NEMF: variants seen among roughly 807,000 people sequenced by gnomAD.
NEMF encodes the protein nuclear export mediator factor.
In NEMF, 89 loss-of-function variants were observed where a neutral mutation model predicts 162.2. The observed-to-expected ratio is 0.55, with a 90% CI of 0.46 to 0.65. NEMF has a LOEUF of 0.65. Among genes scored for constraint, NEMF ranks in the 30% least tolerant of loss-of-function variants. The pLI is 0.00. For missense variants in NEMF, 1,133 were observed against 1,261.9 expected (o/e 0.90, Z 1.55); for synonymous variants, 421 against 404.5 (o/e 1.04, Z -0.49).
intron 18 of NEMF, among the ~76,000 whole-genome samples, chr14:49,811,092 T>C (rs959302381): frequency 6.6e-6 from 1 of 152,212 alleles, no homozygotes; most frequent in Non-Finnish European, 1.5e-5. Context: ...CCAATACATA[T>C]ACATGGGATG....
Position 49,820,466 on chromosome 14 carries a change from T to C in NEMF, c.1577+5401A>G, listed in dbSNP as rs544609943. The C allele has an allele frequency of 7.9e-5, 36 of 456,668 alleles. No individual in the cohort carries two copies. The East Asian group carries it at 8.4e-4, about 11-fold the overall frequency. 28.3% of individuals were successfully genotyped at this position (456,668 alleles called of 1,614,324 possible). A position where few individuals can be genotyped will look rare whatever the true frequency, so the allele number is the denominator to read the frequency against. ...CTCTCCGTTTCAGATTCTGAAAGTA[T>C]TGTATCAAGAGCTAATAATCGGCTG... is the stretch of plus-strand genomic sequence containing the variant. On this transcript the variant is annotated intron_variant, in intron 16 of 32. Coordinates refer to ENST00000298310, the MANE Select transcript of NEMF (RefSeq NM_004713.6).
rs1892519058 is a variant in NEMF, at chr14:49,829,238, G to A, written c.1048C>T (p.Leu350Phe). Residue 350 changes from leucine (L) to phenylalanine (F), a missense_variant, in exon 13 of 33, where the codon CTC (leucine) becomes TTC (phenylalanine). By Grantham distance (22) the Leu-to-Phe change is conservative (BLOSUM62 0). Coordinates refer to ENST00000298310, the MANE Select transcript of NEMF (RefSeq NM_004713.6). ...ACTATTTGTAGGTTCATTTCTATGA[G>A]CTCTCCTTTCAGTTTGTCTATTTCC... is the stretch of plus-strand genomic sequence containing the variant. Reference protein sequence around the residue: ...AQEIDKLKGELIEMNLQIVDR... With the variant: ...AQEIDKLKGEFIEMNLQIVDR... 1 of 1,614,114 alleles carries A rather than the reference G, an allele frequency of 6.2e-7. No individual in the cohort carries two copies. The highest frequency in any genetic ancestry group is 2.2e-5 in the East Asian group (1 of 44,876).
rs1338433272 is a variant in NEMF, at chr14:49,785,267, C to T, written c.2982G>A (p.Leu994=). 15 of 1,613,960 alleles carry T rather than the reference C, an allele frequency of 9.3e-6. No homozygotes were observed. The highest frequency in any genetic ancestry group is 1.2e-5 in the Non-Finnish European group (14 of 1,179,926). ...AAGGGGCACATATTGGAATGGCAAACAGTAGTACATCTTCAGGATGTGGCT... is the reference window on the plus strand; with the variant it reads ...AAGGGGCACATATTGGAATGGCAAATAGTAGTACATCTTCAGGATGTGGCT... ...TGQPHPEDVL[L]FAIPICAPYT... is the part of the protein sequence containing the mutation. Residue 994 remains leucine (L), a synonymous_variant, in exon 30 of 33, where the codon CTG becomes CTA. Coordinates refer to ENST00000298310, the MANE Select transcript of NEMF (RefSeq NM_004713.6).
chr14:49,820,140 C>CG (rs1487947665), intron 16 of NEMF: 1 of 227,116 alleles, frequency 4.4e-6, no homozygotes, highest in Non-Finnish European at 8.8e-6. Flanking sequence ...TTAGTAGAAA[C>CG]GGGGGTTCAC....
At chr14:49,788,730 T>C (rs1441106666) in intron 28 of NEMF, among the ~76,000 whole-genome samples, 1 of 152,092 alleles carries the variant, frequency 6.6e-6, no homozygotes, top group African/African-American at 2.4e-5. Flanking sequence ...AATTTTTTTG[T>C]ATTTTTTTAG....
rs1893156824 is a variant in NEMF at position 49,840,685 on chromosome 14, A to T, written c.506+33T>A. 3 of 1,593,294 alleles carry T rather than the reference A, an allele frequency of 1.9e-6. No homozygotes were observed. The East Asian group carries it at 6.7e-5, about 36-fold the overall frequency. On this transcript the variant is annotated intron_variant, in intron 5 of 32. Coordinates refer to ENST00000298310, the MANE Select transcript of NEMF (RefSeq NM_004713.6). ...ATGTTGCCCAGTACATTTTAATACA[A>T]TACGAAATGGGTTTAAAAACAAAAC...
rs1461261154 is a variant in NEMF, at chr14:49,782,982, T to C, written c.*1654A>G. On this transcript the variant is annotated 3_prime_UTR_variant, in exon 33 of 33. Coordinates refer to ENST00000298310, the MANE Select transcript of NEMF (RefSeq NM_004713.6). ...TTCATAAATAATGCCTATGATCACC[T>C]TGCATGGACAGCAATCCTGTAAACA... 2.5e-6 allele frequency: 4 copies of C among 1,602,946 alleles called. No homozygotes were observed. Among genetic ancestry groups the C allele is most frequent in the African/African-American group, 1.3e-5 (1 of 74,520 alleles).
chr14:49,852,008 T>C, intron 1 of NEMF, 133 bp from the exon 2 acceptor site: 1 of 588,390 alleles, frequency 1.7e-6, no homozygotes, highest in Non-Finnish European at 3.0e-6. Context: ...GAGCAGAGTC[T>C]GAAAGCCATT....
At position 49,782,218 on chromosome 14, in the gene NEMF, C is replaced by T. The variant is rs1331155583; in HGVS notation, c.*2418G>A. On this transcript the variant is annotated 3_prime_UTR_variant, in exon 33 of 33. Coordinates refer to ENST00000298310, the MANE Select transcript of NEMF (RefSeq NM_004713.6). Reference sequence around the variant, plus strand: ...ATAGATATTGATTGATCTGCTTTTGCTACTTTCCCTTAAGATTTTACTTCT... The same window carrying T: ...ATAGATATTGATTGATCTGCTTTTGTTACTTTCCCTTAAGATTTTACTTCT... 3 of 544,010 alleles carry T rather than the reference C, an allele frequency of 5.5e-6. No individual in the cohort carries two copies. Among genetic ancestry groups the T allele is most frequent in the Non-Finnish European group, 9.9e-6 (3 of 302,806 alleles). 33.7% of individuals were successfully genotyped at this position (544,010 alleles called of 1,614,324 possible).
intron 16 of NEMF, among the ~76,000 whole-genome samples, chr14:49,823,826 G>C (rs1032836097): frequency 6.6e-6 from 1 of 152,154 alleles, no homozygotes; most frequent in African/African-American, 2.4e-5. Context: ...ATTGGGAGGG[G>C]AGAAATATCT....
At chr14:49,835,840 A>T (rs1474762839) in intron 6 of NEMF, among the ~76,000 whole-genome samples, 1 of 152,262 alleles carries the variant, frequency 6.6e-6, no homozygotes, top group Non-Finnish European at 1.5e-5. Flanking sequence ...CAATATATAG[A>T]AATCAATTGT....
intron 8 of NEMF, 103 bp from the exon 9 acceptor site, chr14:49,832,380 G>A: frequency 5.4e-6 from 4 of 741,738 alleles, no homozygotes; most frequent in Non-Finnish European, 8.7e-6. Flanking sequence ...CACCCAGGCT[G>A]GAGTGCAGTG....
rs1182463972 is a variant in NEMF at position 49,844,752 on chromosome 14, C to CACAT, written c.357+1387_357+1388insATGT. ...GCACGCGCGCGCACACACACACACA[C>CACAT]ACACACACACACATATATTTTTTTT... On this transcript the variant is annotated intron_variant, in intron 4 of 32. Coordinates refer to ENST00000298310, the MANE Select transcript of NEMF (RefSeq NM_004713.6). 2 of 295,496 alleles carry CACAT rather than the reference C, an allele frequency of 6.8e-6. 1 individual carries two copies. The highest frequency in any genetic ancestry group is 5.7e-5 in the South Asian group (2 of 35,102). 18.3% of individuals were successfully genotyped at this position (295,496 alleles called of 1,614,324 possible). A position where few individuals can be genotyped will look rare whatever the true frequency, so the allele number is the denominator to read the frequency against.
intron 18 of NEMF, among the ~76,000 whole-genome samples, chr14:49,809,840 A>C (rs1180643320): frequency 6.6e-6 from 1 of 151,932 alleles, no homozygotes; most frequent in African/African-American, 2.4e-5. Context: ...CAGGCTGGGC[A>C]ACAGAGCGAG....
rs749582066 is a variant in NEMF, at chr14:49,851,705, G to A, written c.129-40C>T. ...AGTCGAATTTTTCTTTAGGGTATAT[G>A]CCAAAGCTAATTGCTAAACAGGCTT... On this transcript the variant is annotated intron_variant, in intron 2 of 32. Coordinates refer to ENST00000298310, the MANE Select transcript of NEMF (RefSeq NM_004713.6). 7 of 1,541,604 alleles carry A rather than the reference G, an allele frequency of 4.5e-6. No homozygotes were observed. In the South Asian group the frequency reaches 7.8e-5, roughly 17 times the overall value.
chr14:49,835,218 CAAAA>C (rs55826615), intron 6 of NEMF, among the ~76,000 whole-genome samples: 1 of 132,932 alleles, frequency 7.5e-6, no homozygotes, highest in Admixed American at 7.9e-5. Flanking sequence ...ACCCCGCAAC[CAAAA>C]AAAAAAAAAA....
intron 28 of NEMF, among the ~76,000 whole-genome samples, chr14:49,788,658 C>T (rs1245648620): frequency 6.6e-6 from 1 of 150,962 alleles, no homozygotes; most frequent in Non-Finnish European, 1.5e-5. Flanking sequence ...CCCAGGTTCA[C>T]GCTATTCTGC....
At chr14:49,786,606 A>G in intron 29 of NEMF, 112 bp downstream of exon 29, 2 of 998,962 alleles carry the variant, frequency 2.0e-6, no homozygotes, top group Non-Finnish European at 3.1e-6. Context: ...TTGACTTCGT[A>G]GCCTGCAGTC....
chr14:49,791,011 T>A (rs772295675), intron 26 of NEMF, among the ~76,000 whole-genome samples: 5 of 151,862 alleles, frequency 3.3e-5, no homozygotes, highest in Non-Finnish European at 7.4e-5. Context: ...AAAAAAAATG[T>A]CAAGTGGGGA....
Sources: gnomAD v4.1 joint callset for allele counts (sites outside exome capture counted in the v4.1 genomes callset) on GRCh38, gnomAD v4.1.1 for gene constraint, MANE v1.5 for transcripts, NCBI Gene and HGNC (gene_info 2026-07-23, HGNC 2026-07-21) for gene names.